The following ZNF578 variants were observed in gnomAD, a reference collection of about 807,000 sequenced individuals.
The protein encoded by ZNF578 is Putative chemokine-related protein B42.
A neutral mutation model predicts 8.3 loss-of-function variants in ZNF578; 8 were observed. That is an observed-to-expected ratio of 0.96 (90% CI 0.56 to 1.74). The LOEUF (loss-of-function observed/expected upper bound fraction) is 1.74, where lower values mean the gene tolerates loss of function less well. Ranked by LOEUF, ZNF578 falls within the 40% of genes most tolerant of loss-of-function variation. The pLI is 0.00. For synonymous variants in ZNF578, 206 were observed against 232.2 expected (o/e 0.89, Z 1.03); for missense variants, 726 against 707.5 (o/e 1.03, Z -0.30).
chr19:52,506,567 G>T lies in ZNF578; in HGVS notation c.190+1786G>T, dbSNP rs607436. Among the ~76,000 whole-genome samples the T allele has an allele frequency of 2.7e-3, 402 of 149,980 alleles. 1 individual carries two copies. The highest frequency in any genetic ancestry group is 9.4e-3 in the African/African-American group (382 of 40,722). ...AGTGCAACCTCCACCTCCCAGGTCA[G>T]GCAATCTCCTACCTCAGCCTTCTGA... On this transcript the variant is annotated intron_variant, in intron 5 of 5. Transcript: ENST00000421239.
chr19:52,465,023 C>G (rs1306113418), intron 2 of ZNF578, among the ~76,000 whole-genome samples: 1 of 152,196 alleles, frequency 6.6e-6, no homozygotes, highest in East Asian at 1.9e-4. Context: ...CATGCGCCAT[C>G]TGCCGGACTT....
intron 2 of ZNF578, among the ~76,000 whole-genome samples, chr19:52,484,490 CT>C (rs1431795216): frequency 1.3e-5 from 2 of 152,130 alleles, no homozygotes; most frequent in African/African-American, 2.4e-5. Flanking sequence ...TGGACAATAC[CT>C]GGCTTTCCTA....
intron 3 of ZNF578, among the ~76,000 whole-genome samples, chr19:52,492,524 T>C (rs964931788): frequency 6.6e-6 from 1 of 152,196 alleles, no homozygotes; most frequent in Admixed American, 6.5e-5. Context: ...CATGAAATCA[T>C]ATGTTCCTCC....
At chr19:52,495,490 TA>T (rs2059382776) in intron 3 of ZNF578, among the ~76,000 whole-genome samples, 1 of 144,464 alleles carries the variant, frequency 6.9e-6, no homozygotes, top group Non-Finnish European at 1.5e-5. Flanking sequence ...AGGAGAGGGG[TA>T]TAAAATGAGC....
chr19:52,480,879 G>A (rs8182532), intron 2 of ZNF578, among the ~76,000 whole-genome samples: 14,912 of 149,236 alleles, frequency 0.1, 1,281 homozygotes, highest in East Asian at 0.33. Context: ...CTGGGTGACA[G>A]AGTGAGACTC....
At chr19:52,484,518 G>A (rs893003712) in intron 2 of ZNF578, among the ~76,000 whole-genome samples, 7 of 152,152 alleles carry the variant, frequency 4.6e-5, no homozygotes, top group Non-Finnish European at 7.3e-5. Context: ...GGTCCCTGCA[G>A]ACTTCCACAG....
At chr19:52,458,247 C>T (rs1262111379) in intron 2 of ZNF578, 1 of 152,318 alleles carries the variant, frequency 6.6e-6, no homozygotes, top group Non-Finnish European at 1.5e-5. Context: ...GTACATCCAT[C>T]CTATGGAGAT....
intron 2 of ZNF578, among the ~76,000 whole-genome samples, chr19:52,470,526 A>G (rs1259292486): frequency 6.6e-6 from 1 of 152,170 alleles, no homozygotes; most frequent in African/African-American, 2.4e-5. Context: ...GTTTCTGGAT[A>G]TGTCAGTGAG....
chr19:52,477,771 A>T (rs571833693), intron 2 of ZNF578, among the ~76,000 whole-genome samples: 15 of 152,314 alleles, frequency 9.8e-5, no homozygotes, highest in African/African-American at 3.4e-4. Flanking sequence ...GTGCCAGTGC[A>T]TGTTTACAAT....
chr19:52,506,509 C>CCAGG (rs2059426266), intron 5 of ZNF578, among the ~76,000 whole-genome samples: 1 of 146,858 alleles, frequency 6.8e-6, no homozygotes, highest in Admixed American at 7.0e-5. Context: ...GCTCTGTCAC[C>CCAGG]CAGGCTGGAG....
chr19:52,511,843 T>G lies in ZNF578; in HGVS notation c.1462T>G (p.Cys488Gly). The G allele has an allele frequency of 3.1e-6, 5 of 1,613,792 alleles. No individual in the cohort carries two copies. The highest frequency in any genetic ancestry group is 4.2e-6 in the Non-Finnish European group (5 of 1,179,908). ...TGEKPYKCNE[C>G]HKTFSHRSSL... ...AGAGAAACCTTACAAGTGTAATGAG[T>G]GTCACAAGACCTTCAGTCACAGGTC... The change falls in exon 6 of 6, where the codon TGT becomes GGT. Residue 488 changes from cysteine to glycine, a missense_variant. By Grantham distance (159) the Cys-to-Gly change is radical. Transcript: ENST00000421239.
In ZNF578 at chr19:52,511,932, G is replaced by A. The variant is rs201717752; in HGVS notation, c.1551G>A (p.Gly517=). 5.7e-4 allele frequency: 913 copies of A among 1,610,238 alleles called. 13 individuals carry two copies. The South Asian group carries it at 8.8e-3, about 15-fold the overall frequency. ...GEKPYKCNEC[G]KTFNVQSHLS... ...AACCTTACAAGTGTAATGAATGTGG[G>A]AAGACTTTTAATGTACAGTCACACC... The change falls in exon 6 of 6, where the codon GGG becomes GGA. Residue 517 remains glycine (G), a synonymous_variant. Transcript: ENST00000421239.
At chr19:52,465,156 G>T (rs1280126870) in intron 2 of ZNF578, among the ~76,000 whole-genome samples, 1 of 152,060 alleles carries the variant, frequency 6.6e-6, no homozygotes, top group Non-Finnish European at 1.5e-5. Flanking sequence ...GCCACTGTTT[G>T]ACCCAGACAG....
At chr19:52,475,885 C>T (rs572824301) in intron 2 of ZNF578, among the ~76,000 whole-genome samples, 11 of 152,168 alleles carry the variant, frequency 7.2e-5, no homozygotes, top group South Asian at 2.1e-4. Context: ...TCTGTAGGAG[C>T]GACCAAAAGA....
intron 2 of ZNF578, among the ~76,000 whole-genome samples, chr19:52,480,357 C>T (rs1041520060): frequency 7.2e-5 from 11 of 152,102 alleles, no homozygotes; most frequent in African/African-American, 2.7e-4. Flanking sequence ...GAAATAAAAT[C>T]AGGGCCTGAA....
rs199860227 is a variant in ZNF578 at position 52,487,171 on chromosome 19, C to CA, written c.-121-4143dup. Among the ~76,000 whole-genome samples, 896 of 146,388 alleles carry CA rather than the reference C, an allele frequency of 6.1e-3. 3 individuals carry two copies. Among genetic ancestry groups the CA allele is most frequent in the Middle Eastern group, 0.024 (7 of 290 alleles). On this transcript the variant is annotated intron_variant, in intron 2 of 5. Coordinates refer to ENST00000421239, the MANE Select transcript of ZNF578 (RefSeq NM_001099694.2). ...AACATAGTGAGAACACCATCTCTGCCAAAAAAAAAATAATAATAATAAGTA... is the reference window on the plus strand; with the variant it reads ...AACATAGTGAGAACACCATCTCTGCCAAAAAAAAAAATAATAATAATAAGTA...
In ZNF578 at chr19:52,511,143, A is replaced by T. The variant is rs1276954921; in HGVS notation, c.762A>T (p.Leu254Phe). 6.2e-7 allele frequency: 1 copy of T among 1,614,184 alleles called. No individual in the cohort carries two copies. The highest frequency in any genetic ancestry group is 1.7e-5 in the Admixed American group (1 of 60,030). The change falls in exon 6 of 6, where the codon TTA (leucine) becomes TTT (phenylalanine). Residue 254 changes from leucine (L) to phenylalanine (F), a missense_variant. By Grantham distance (22) the Leu-to-Phe change is conservative. Coordinates refer to ENST00000421239, the MANE Select transcript of ZNF578 (RefSeq NM_001099694.2). ...TAAGGAAACATCAGATAATCCATTT[A>T]GGAGAAAAACAATATAAATTTGATA... Reference protein sequence around the residue: ...SFVRKHQIIHLGEKQYKFDIC... With the variant: ...SFVRKHQIIHFGEKQYKFDIC...
intron 2 of ZNF578, among the ~76,000 whole-genome samples, chr19:52,482,494 C>T (rs946569874): frequency 4.0e-5 from 6 of 151,010 alleles, no homozygotes; most frequent in South Asian, 2.2e-4. Flanking sequence ...AAAACTTAGC[C>T]GGGCGTGGTG....
At position 52,511,093 on chromosome 19, in the gene ZNF578, G is replaced by A. The variant is rs161931; in HGVS notation, c.712G>A (p.Glu238Lys). Reference sequence around the variant, plus strand: ...ATCTTTCCAATGTAATGAGACTGGCGAAGCCTTTAATTGTAGCTCATTTGT... The same window carrying A: ...ATCTTTCCAATGTAATGAGACTGGCAAAGCCTTTAATTGTAGCTCATTTGT... Reference protein sequence around the residue: ...EKSFQCNETGEAFNCSSFVRK... With the variant: ...EKSFQCNETGKAFNCSSFVRK... The change falls in exon 6 of 6, where the codon GAA becomes AAA. Residue 238 changes from glutamate (E) to lysine (K), a missense_variant. Coordinates refer to ENST00000421239, the MANE Select transcript of ZNF578 (RefSeq NM_001099694.2). 0.64 allele frequency: 1,035,971 copies of A among 1,613,954 alleles called. 338,137 individuals are homozygous for A. The highest frequency in any genetic ancestry group is 0.94 in the African/African-American group (70,368 of 75,038).
Sources: allele counts gnomAD v4.1 joint callset (sites outside exome capture counted in the v4.1 genomes callset), GRCh38; gene constraint gnomAD v4.1.1; transcripts MANE v1.5; gene names NCBI Gene and HGNC (gene_info 2026-07-23, HGNC 2026-07-21).